The following KIAA1217 variants were observed in gnomAD, a reference collection of about 807,000 sequenced individuals.
The protein encoded by KIAA1217 is KIAA1217.
A neutral mutation model predicts 163.9 loss-of-function variants in KIAA1217; 88 were observed. The observed-to-expected ratio is 0.54, with a 90% confidence interval of 0.45 to 0.64. The LOEUF (loss-of-function observed/expected upper bound fraction) is 0.64, where lower values mean the gene tolerates loss of function less well. KIAA1217 is among the 30% of genes least tolerant of loss of function. KIAA1217 has a pLI of 0.00. For synonymous variants in KIAA1217, 903 were observed against 923.1 expected, an observed-to-expected ratio of 0.98 and a Z score of 0.39; for missense variants, 2,372 against 2,475.0, an observed-to-expected ratio of 0.96 and a Z score of 0.88.
intron 2 of KIAA1217, among the ~76,000 whole-genome samples, chr10:24,155,817 G>T (rs1286222779): frequency 1.3e-5 from 2 of 151,638 alleles, no homozygotes; most frequent in African/African-American, 4.8e-5. Flanking sequence ...GTGAGACTCT[G>T]ACTTGGAATA....
At chr10:24,208,879 C>G (rs1564831396), upstream of KIAA1217, 1 of 283,486 alleles carries the variant, frequency 3.5e-6, no homozygotes, top group African/African-American at 2.2e-5. Context: ...CCCCCCACAC[C>G]CCCGCATCGC....
At chr10:23,759,162 T>C (rs1028954785) in intron 1 of KIAA1217, among the ~76,000 whole-genome samples, 1 of 152,166 alleles carries the variant, frequency 6.6e-6, no homozygotes, top group African/African-American at 2.4e-5. Flanking sequence ...CTAAGTATTT[T>C]ATTCTTTTTG....
At chr10:24,101,023 G>A (rs907298955) in intron 2 of KIAA1217, among the ~76,000 whole-genome samples, 2 of 152,162 alleles carry the variant, frequency 1.3e-5, no homozygotes, top group Admixed American at 1.3e-4. Context: ...CCTTTAAGCT[G>A]CTTTTTATGG....
At chr10:24,133,683 T>C (rs1177443614) in intron 2 of KIAA1217, among the ~76,000 whole-genome samples, 1 of 152,016 alleles carries the variant, frequency 6.6e-6, no homozygotes, top group Non-Finnish European at 1.5e-5. Context: ...AGAATGGACA[T>C]AGACAGAAAG....
intron 3 of KIAA1217, among the ~76,000 whole-genome samples, chr10:24,385,183 G>A: frequency 6.6e-6 from 1 of 152,254 alleles, no homozygotes. Flanking sequence ...GCTCCTGAGA[G>A]GAGAGGAAGC....
intron 2 of KIAA1217, among the ~76,000 whole-genome samples, chr10:24,091,610 G>C (rs1425525023): frequency 6.6e-6 from 1 of 151,870 alleles, no homozygotes; most frequent in Non-Finnish European, 1.5e-5. Context: ...CTGGTGATCT[G>C]GGTGGTAACT....
At chr10:23,996,425 G>A (rs1297820341) in intron 1 of KIAA1217, among the ~76,000 whole-genome samples, 1 of 152,108 alleles carries the variant, frequency 6.6e-6, no homozygotes, top group East Asian at 1.9e-4. Flanking sequence ...AATTCCTTGT[G>A]GTGAGTTTTT....
intron 1 of KIAA1217, among the ~76,000 whole-genome samples, chr10:23,771,572 A>G (rs559120420): frequency 1.3e-5 from 2 of 152,354 alleles, no homozygotes; most frequent in African/African-American, 2.4e-5. Context: ...TTAAGGCACA[A>G]TAGAATTTTA....
intron 1 of KIAA1217, among the ~76,000 whole-genome samples, chr10:24,211,864 G>C (rs1438135685): frequency 6.6e-6 from 1 of 151,780 alleles, no homozygotes; most frequent in African/African-American, 2.4e-5. Context: ...CTGTAGCCTG[G>C]GCAGCATAGT....
At chr10:24,317,013 C>T (rs1043625964) in intron 2 of KIAA1217, among the ~76,000 whole-genome samples, 2 of 151,854 alleles carry the variant, frequency 1.3e-5, no homozygotes, top group Admixed American at 6.6e-5. Context: ...GTGTGGGGGG[C>T]GCTGGTGAGA....
At chr10:23,995,987 G>A (rs1406531275) in intron 1 of KIAA1217, among the ~76,000 whole-genome samples, 2 of 152,108 alleles carry the variant, frequency 1.3e-5, no homozygotes, top group Non-Finnish European at 2.9e-5. Context: ...TCTCACTGGG[G>A]TACCGTGATG....
chr10:23,851,451 T>C (rs1453334712), intron 1 of KIAA1217, among the ~76,000 whole-genome samples: 2 of 152,208 alleles, frequency 1.3e-5, no homozygotes, highest in Non-Finnish European at 2.9e-5. Flanking sequence ...TTTGCTATTG[T>C]GAATAGTGCC....
chr10:24,076,192 C>CCATAAAATA (rs2061363320), intron 2 of KIAA1217, among the ~76,000 whole-genome samples: 1 of 152,172 alleles, frequency 6.6e-6, no homozygotes, highest in Non-Finnish European at 1.5e-5. Flanking sequence ...TCATGAGTCA[C>CCATAAAATA]ACCAGGCCAT....
At position 24,227,336 on chromosome 10, in the gene KIAA1217, T is replaced by C. The variant is rs184549342; in HGVS notation, c.354+7427T>C. On this transcript the variant is annotated intron_variant, in intron 2 of 20. Coordinates refer to ENST00000376454, the MANE Select transcript of KIAA1217 (RefSeq NM_019590.5). ...CCACACCCAGCTAATTTTTTGTATT[T>C]TTAATAGAGACAGGGTTTCACTATG... 1.8e-3 allele frequency among the ~76,000 whole-genome samples: 273 copies of C among 150,918 alleles called. 2 individuals are homozygous for C. The highest frequency in any genetic ancestry group is 6.0e-3 in the African/African-American group (247 of 41,098).
rs117847465 is a variant in KIAA1217 at position 24,280,921 on chromosome 10, A to G, written c.354+61012A>G. Among the ~76,000 whole-genome samples, 61 of 152,340 alleles carry G rather than the reference A, an allele frequency of 4.0e-4. 1 individual carries two copies. In the East Asian group the frequency reaches 0.011, roughly 28 times the overall value. Reference sequence around the variant, plus strand: ...ATACTCTAGAGAAAGTTGGGTTTATATTCAAATAGCACAATATCAACACAT... The same window carrying G: ...ATACTCTAGAGAAAGTTGGGTTTATGTTCAAATAGCACAATATCAACACAT... On this transcript the variant is annotated intron_variant, in intron 2 of 20. Transcript: ENST00000376454.
rs949611061 is a variant in KIAA1217 at position 23,695,113 on chromosome 10, C to T, written c.-442C>T. 6.6e-6 allele frequency: 1 copy of T among 152,266 alleles called. No homozygotes were observed. The highest frequency in any genetic ancestry group is 1.5e-5 in the Non-Finnish European group (1 of 68,092). The allele number at this position is 152,266 out of a possible 1,614,324, so 9.4% of individuals were successfully genotyped here. On this transcript the variant is annotated 5_prime_UTR_variant, in exon 1 of 19. Transcript: ENST00000376462. The surrounding 1 kb of genome is among the most constrained non-coding windows in gnomAD (Gnocchi z 4.9). ...CTCGCCCGGGAGATACCCCTTCCCC[C>T]TCTTGCGCATTTCGCAGCTGCGCTG...
intron 1 of KIAA1217, among the ~76,000 whole-genome samples, chr10:23,738,324 G>T (rs2130804079): frequency 6.6e-6 from 1 of 152,190 alleles, no homozygotes; most frequent in South Asian, 2.1e-4. Context: ...TCATATCTCT[G>T]ATTATTGCCT....
At chr10:24,465,509 T>C (rs1000246740) in intron 5 of KIAA1217, among the ~76,000 whole-genome samples, 4 of 152,204 alleles carry the variant, frequency 2.6e-5, no homozygotes, top group African/African-American at 7.2e-5. Context: ...AGCGTGGTAG[T>C]TGGGTGTGGC....
chr10:23,761,991 C>T (rs916575133), intron 1 of KIAA1217, among the ~76,000 whole-genome samples: 3 of 152,106 alleles, frequency 2.0e-5, no homozygotes, highest in African/African-American at 4.8e-5. Flanking sequence ...TACAAATAAA[C>T]TAGAACATCT....
Sources: allele counts gnomAD v4.1 joint callset (sites outside exome capture counted in the v4.1 genomes callset), GRCh38; gene constraint gnomAD v4.1.1; non-coding constraint Gnocchi (gnomAD v3.1); transcripts MANE v1.5; gene names NCBI Gene and HGNC (gene_info 2026-07-23, HGNC 2026-07-21).